The following CPNE4 variants were observed in gnomAD, a reference collection of about 807,000 sequenced individuals.
The protein encoded by CPNE4 is copine-4.
A neutral mutation model predicts 67.9 loss-of-function variants in CPNE4; 25 were observed. The observed-to-expected ratio is 0.37, with a 90% CI of 0.27 to 0.51. The LOEUF (loss-of-function observed/expected upper bound fraction) is 0.51, where lower values mean the gene tolerates loss of function less well. Among genes scored for constraint, CPNE4 ranks in the 20% least tolerant of loss-of-function variants. The pLI is 0.93. For missense variants in CPNE4, 464 were observed against 690.8 expected (o/e 0.67, Z 3.68); for synonymous variants, 242 against 244.9 (o/e 0.99, Z 0.11).
At chr3:131,906,676 A>T (rs1398673984) in intron 1 of CPNE4, among the ~76,000 whole-genome samples, 1 of 151,736 alleles carries the variant, frequency 6.6e-6, no homozygotes, top group Non-Finnish European at 1.5e-5. Flanking sequence ...GGTTGTTTCC[A>T]AGTCTTTGCT....
At chr3:131,738,057 G>A (rs1010227680) in intron 2 of CPNE4, among the ~76,000 whole-genome samples, 1 of 152,142 alleles carries the variant, frequency 6.6e-6, no homozygotes, top group African/African-American at 2.4e-5. Context: ...CTAATGCATA[G>A]AGTCCAGTTT....
intron 2 of CPNE4, among the ~76,000 whole-genome samples, chr3:131,796,229 C>G (rs1300633856): frequency 6.6e-6 from 1 of 151,992 alleles, no homozygotes; most frequent in South Asian, 2.1e-4. Context: ...TCATAGCCAT[C>G]TTGTGAGAAG....
chr3:131,702,745 C>T (rs1478831529), intron 3 of CPNE4, among the ~76,000 whole-genome samples: 1 of 152,184 alleles, frequency 6.6e-6, no homozygotes, highest in African/African-American at 2.4e-5. Flanking sequence ...CCAAGAGAAC[C>T]TGGATGGCCA....
At chr3:131,956,577 G>GCA (rs2071980014) in intron 1 of CPNE4, among the ~76,000 whole-genome samples, 4 of 151,550 alleles carry the variant, frequency 2.6e-5, no homozygotes, top group Admixed American at 2.0e-4. Flanking sequence ...TATCATAAAT[G>GCA]TATAGAAAAA....
intron 7 of CPNE4, among the ~76,000 whole-genome samples, chr3:131,607,044 A>C (rs1489961973): frequency 6.6e-6 from 1 of 151,098 alleles, no homozygotes; most frequent in Admixed American, 6.6e-5. Context: ...ATTTGTACTA[A>C]GCTGTTAGCC....
intron 2 of CPNE4, among the ~76,000 whole-genome samples, chr3:131,803,098 G>A (rs1340738407): frequency 2.0e-5 from 3 of 152,150 alleles, no homozygotes; most frequent in Admixed American, 6.6e-5. Context: ...ATAAAAAGAC[G>A]AAGAAGAAAT....
At chr3:131,563,896 A>G (rs1421637811) in intron 11 of CPNE4, among the ~76,000 whole-genome samples, 1 of 152,078 alleles carries the variant, frequency 6.6e-6, no homozygotes, top group Non-Finnish European at 1.5e-5. Flanking sequence ...ATTCAAATTC[A>G]GTAGGTTAAG....
intron 1 of CPNE4, among the ~76,000 whole-genome samples, chr3:132,033,648 G>T (rs1321104274): frequency 6.6e-6 from 1 of 152,218 alleles, no homozygotes; most frequent in Non-Finnish European, 1.5e-5. Context: ...CCGCCAAGGC[G>T]CCCTGGGGCG....
In CPNE4 at chr3:131,759,954, T is replaced by C. The variant is rs114287986; in HGVS notation, c.181-36329A>G. Among the ~76,000 whole-genome samples, 1,115 of 152,244 alleles carry C rather than the reference T, an allele frequency of 7.3e-3. 12 individuals carry two copies. Among genetic ancestry groups the C allele is most frequent in the African/African-American group, 0.025 (1,054 of 41,546 alleles). ...ATATTACAAAGTTATCTGGCATCCG[T>C]TTTATAGGATCAGCTCCAGGTAGCT... On this transcript the variant is annotated intron_variant, in intron 2 of 15. Transcript: ENST00000429747.
intron 1 of CPNE4, among the ~76,000 whole-genome samples, chr3:132,010,162 G>T (rs1380295782): frequency 1.3e-5 from 2 of 152,174 alleles, no homozygotes; most frequent in African/African-American, 4.8e-5. Context: ...ATGGCCTTGG[G>T]CAGATTGCCT....
At chr3:131,698,608 T>TA (rs556686311) in intron 4 of CPNE4, among the ~76,000 whole-genome samples, 2,491 of 137,820 alleles carry the variant, frequency 0.018, 26 homozygotes, top group Non-Finnish European at 0.022. Context: ...TTCCTGTGCT[T>TA]AAAAAAAAAA....
chr3:131,695,637 T>A (rs145176867), intron 5 of CPNE4, among the ~76,000 whole-genome samples: 1 of 152,284 alleles, frequency 6.6e-6, no homozygotes, highest in East Asian at 1.9e-4. Context: ...AGAAGGAGCA[T>A]AACAGTTGTG....
intron 2 of CPNE4, among the ~76,000 whole-genome samples, chr3:131,869,376 A>T (rs911342297): frequency 2.7e-5 from 4 of 150,694 alleles, no homozygotes; most frequent in African/African-American, 1.0e-4. Context: ...AGGACTATTA[A>T]TTTTTTTCTC....
chr3:131,946,927 C>T (rs1194976240), intron 1 of CPNE4, among the ~76,000 whole-genome samples: 1 of 151,974 alleles, frequency 6.6e-6, no homozygotes, highest in Admixed American at 6.6e-5. Context: ...TGTAGATATC[C>T]AGTTGTCCCA....
chr3:131,542,718 C>G lies in CPNE4; in HGVS notation c.1378G>C (p.Ala460Pro). ...ATGACTGACATGGGGAGGTGGGAGGCATGGACAATGGCCTCCCGGGTGTCG... is the reference window on the plus strand; with the variant it reads ...ATGACTGACATGGGGAGGTGGGAGGGATGGACAATGGCCTCCCGGGTGTCG... ...MADTREAIVH[A>P]SHLPMSVIIV... Residue 460 changes from alanine (A) to proline (P), a missense_variant, in exon 15 of 16, where the codon GCC (alanine) becomes CCC (proline). Transcript: ENST00000429747. The G allele has an allele frequency of 6.2e-7, 1 of 1,614,020 alleles. No homozygotes were observed. The highest frequency in any genetic ancestry group is 8.5e-7 in the Non-Finnish European group (1 of 1,179,964).
At chr3:131,754,187 G>A (rs1301509416) in intron 2 of CPNE4, among the ~76,000 whole-genome samples, 2 of 152,074 alleles carry the variant, frequency 1.3e-5, no homozygotes, top group Non-Finnish European at 2.9e-5. Context: ...AGAAATGATA[G>A]GCACTGTGTT....
At chr3:131,789,397 T>C (rs982082587) in intron 2 of CPNE4, among the ~76,000 whole-genome samples, 5 of 152,158 alleles carry the variant, frequency 3.3e-5, no homozygotes, top group African/African-American at 1.2e-4. Flanking sequence ...CAATGTGATA[T>C]AGCAACAAGT....
At chr3:131,660,541 T>A (rs2080097765) in intron 7 of CPNE4, among the ~76,000 whole-genome samples, 1 of 152,192 alleles carries the variant, frequency 6.6e-6, no homozygotes, top group Non-Finnish European at 1.5e-5. Context: ...GTGGCTACTC[T>A]TTTGAAGAGT....
intron 1 of CPNE4, among the ~76,000 whole-genome samples, chr3:131,923,851 T>A (rs1396842164): frequency 6.6e-6 from 1 of 151,048 alleles, no homozygotes; most frequent in African/African-American, 2.4e-5. Context: ...ATGACTCCCA[T>A]ACCACCCCAA....
Sources: allele counts gnomAD v4.1 joint callset (sites outside exome capture counted in the v4.1 genomes callset), GRCh38; gene constraint gnomAD v4.1.1; transcripts MANE v1.5; gene names NCBI Gene and HGNC (gene_info 2026-07-23, HGNC 2026-07-21).